LOC128125817: variants seen among roughly 807,000 people sequenced by gnomAD.
At chr1:41,622,372 G>C in the LOC128125817 span, among the ~76,000 whole-genome samples, 47 of 152,268 alleles carry the variant, frequency 3.1e-4, no homozygotes, top group African/African-American at 1.1e-3. Context: ...AGTGTGACAT[G>C]TTCTGCACAA....
At chr1:41,596,672 T>G in the LOC128125817 span, among the ~76,000 whole-genome samples, 4 of 152,190 alleles carry the variant, frequency 2.6e-5, no homozygotes, top group African/African-American at 9.7e-5. Context: ...ACATATTGAT[T>G]CTTACACATC....
chr1:41,593,707 C>A, the LOC128125817 span, among the ~76,000 whole-genome samples: 2 of 152,244 alleles, frequency 1.3e-5, no homozygotes, highest in Non-Finnish European at 2.9e-5. Context: ...ATAAGAAAGG[C>A]AAAATGGTTG....
the LOC128125817 span, among the ~76,000 whole-genome samples, chr1:41,615,369 C>G: frequency 1.3e-5 from 2 of 152,238 alleles, no homozygotes; most frequent in Non-Finnish European, 2.9e-5. Flanking sequence ...GGGCTGCCCC[C>G]CATCTCCTCC....
At chr1:41,599,220 T>C in the LOC128125817 span, among the ~76,000 whole-genome samples, 1 of 152,136 alleles carries the variant, frequency 6.6e-6, no homozygotes, top group East Asian at 1.9e-4. Context: ...AAAATGAACC[T>C]TGACCCCCGA....
the LOC128125817 span, among the ~76,000 whole-genome samples, chr1:41,600,859 C>T: frequency 1.3e-5 from 2 of 152,076 alleles, no homozygotes; most frequent in South Asian, 2.1e-4. Flanking sequence ...GTTTTACAGT[C>T]TTAGGTTTTA....
chr1:41,590,147 A>G, the LOC128125817 span, among the ~76,000 whole-genome samples: 1 of 152,242 alleles, frequency 6.6e-6, no homozygotes. Flanking sequence ...TGGTGGCAAA[A>G]CAAGCCAGAT....
the LOC128125817 span, chr1:41,585,380 T>C: frequency 2.5e-6 from 1 of 398,762 alleles, no homozygotes; most frequent in Non-Finnish European, 4.4e-6. Context: ...ACAGAGTTAC[T>C]GGGACTCATG....
chr1:41,586,825 C>T, the LOC128125817 span, among the ~76,000 whole-genome samples: 1 of 151,926 alleles, frequency 6.6e-6, no homozygotes. Context: ...CTTGGTGCTA[C>T]AAAGAATTCA....
At chr1:41,605,862 T>C in the LOC128125817 span, among the ~76,000 whole-genome samples, 2 of 152,212 alleles carry the variant, frequency 1.3e-5, no homozygotes, top group African/African-American at 2.4e-5. Flanking sequence ...AGCTTTCAGA[T>C]TTGTTTATTT....
the LOC128125817 span, among the ~76,000 whole-genome samples, chr1:41,601,446 T>C: frequency 6.6e-6 from 1 of 152,164 alleles, no homozygotes; most frequent in Admixed American, 6.5e-5. Flanking sequence ...TTTTGTAGTT[T>C]CCAGTACACA....
chr1:41,596,944 T>C, the LOC128125817 span, among the ~76,000 whole-genome samples: 22 of 152,324 alleles, frequency 1.4e-4, no homozygotes, highest in Admixed American at 3.9e-4. Flanking sequence ...TGCATGACCA[T>C]GTTAACCTTA....
At chr1:41,603,749 C>T in the LOC128125817 span, among the ~76,000 whole-genome samples, 1 of 152,168 alleles carries the variant, frequency 6.6e-6, no homozygotes, top group Admixed American at 6.5e-5. Flanking sequence ...TGTGTTGTAA[C>T]TTAACATGGA....
the LOC128125817 span, among the ~76,000 whole-genome samples, chr1:41,617,724 C>T: frequency 6.6e-6 from 1 of 152,234 alleles, no homozygotes; most frequent in Non-Finnish European, 1.5e-5. Flanking sequence ...TCATCTTCAC[C>T]TCTCCCAAAT....
At chr1:41,585,864 T>C in the LOC128125817 span, among the ~76,000 whole-genome samples, 5 of 152,114 alleles carry the variant, frequency 3.3e-5, no homozygotes, top group East Asian at 9.6e-4. Context: ...AGGGGTGAGT[T>C]TTCCAAGGGG....
chr1:41,596,933 C>T, the LOC128125817 span, among the ~76,000 whole-genome samples: 1 of 152,210 alleles, frequency 6.6e-6, no homozygotes, highest in Non-Finnish European at 1.5e-5. Context: ...GCAAGTCACT[C>T]TGCATGACCA....
chr1:41,622,637 T>C, the LOC128125817 span, among the ~76,000 whole-genome samples: 2 of 152,190 alleles, frequency 1.3e-5, no homozygotes, highest in African/African-American at 4.8e-5. Flanking sequence ...TATCTGGCCA[T>C]TCAGAGCAAA....
chr1:41,627,868 C>T, the LOC128125817 span, among the ~76,000 whole-genome samples: 49 of 152,172 alleles, frequency 3.2e-4, no homozygotes, highest in African/African-American at 1.2e-3. Context: ...AGAGAACTCC[C>T]TCCCTCCGTC....
chr1:41,587,523 G>A, the LOC128125817 span, among the ~76,000 whole-genome samples: 9 of 152,188 alleles, frequency 5.9e-5, no homozygotes, highest in Non-Finnish European at 1.3e-4. Flanking sequence ...GGCAAACCAG[G>A]ACAAAATGGT....
chr1:41,599,020 T>C, the LOC128125817 span, among the ~76,000 whole-genome samples: 1 of 152,084 alleles, frequency 6.6e-6, no homozygotes, highest in South Asian at 2.1e-4. Context: ...TTTCACCATG[T>C]TGGCCAAGCT....
Sources: allele counts gnomAD v4.1 joint callset (sites outside exome capture counted in the v4.1 genomes callset), GRCh38; gene constraint gnomAD v4.1.1; transcripts MANE v1.5.